PLD5: variants seen among roughly 807,000 people sequenced by gnomAD.
The protein encoded by PLD5 is phospholipase D family member 5.
In PLD5, 36 loss-of-function variants were observed where a neutral mutation model predicts 61.1. That is an observed-to-expected ratio of 0.59 (90% CI 0.45 to 0.78). The LOEUF (loss-of-function observed/expected upper bound fraction) is 0.78. PLD5 is among the 30% of genes least tolerant of loss of function. PLD5 has a pLI of 0.00. For synonymous variants in PLD5, 243 were observed against 242.8 expected (o/e 1.00, Z -0.01); for missense variants, 515 against 644.4 (o/e 0.80, Z 2.17).
intron 1 of PLD5, among the ~76,000 whole-genome samples, chr1:242,504,996 G>T (rs1236036758): frequency 6.6e-6 from 1 of 151,980 alleles, no homozygotes; most frequent in Non-Finnish European, 1.5e-5. Flanking sequence ...TCTCTAAAAA[G>T]ATTAGCATAA....
intron 4 of PLD5, among the ~76,000 whole-genome samples, chr1:242,225,291 A>G (rs2149022489): frequency 6.6e-6 from 1 of 152,092 alleles, no homozygotes; most frequent in Middle Eastern, 3.4e-3. Context: ...TGCACCACAC[A>G]TAACGCATGT....
At chr1:242,382,814 T>C (rs1458106602) in intron 1 of PLD5, among the ~76,000 whole-genome samples, 1 of 152,116 alleles carries the variant, frequency 6.6e-6, no homozygotes, top group Non-Finnish European at 1.5e-5. Context: ...AAATGAGAGC[T>C]TTAATTATAT....
intron 1 of PLD5, among the ~76,000 whole-genome samples, chr1:242,409,666 A>G (rs1180155725): frequency 6.6e-6 from 1 of 152,214 alleles, no homozygotes; most frequent in Non-Finnish European, 1.5e-5. Flanking sequence ...CAGTTATATG[A>G]GGAGGCTGGA....
intron 5 of PLD5, among the ~76,000 whole-genome samples, chr1:242,140,426 T>C (rs1257714026): frequency 7.3e-6 from 1 of 137,898 alleles, no homozygotes; most frequent in Non-Finnish European, 1.6e-5. Context: ...GGTGGATCAC[T>C]TGAGTCCAGG....
chr1:242,301,729 C>T (rs1225648912), intron 2 of PLD5, among the ~76,000 whole-genome samples: 2 of 151,474 alleles, frequency 1.3e-5, no homozygotes, highest in East Asian at 1.9e-4. Context: ...TGTGTTTTTA[C>T]AGACCCTTCC....
intron 8 of PLD5, among the ~76,000 whole-genome samples, chr1:242,103,430 A>G (rs1045440857): frequency 1.3e-5 from 2 of 152,204 alleles, no homozygotes; most frequent in Non-Finnish European, 2.9e-5. Context: ...GTATGTTTTG[A>G]AAACTCCACC....
At chr1:242,124,713 G>A (rs780286397) in intron 5 of PLD5, 48 bp from the exon 6 acceptor site, 1 of 1,493,386 alleles carries the variant, frequency 6.7e-7, no homozygotes, top group African/African-American at 1.4e-5. Context: ...GTCTTTTGGT[G>A]TTATTTTCAG....
chr1:242,420,025 C>T (rs1404074646), intron 1 of PLD5, among the ~76,000 whole-genome samples: 5 of 152,134 alleles, frequency 3.3e-5, no homozygotes, highest in African/African-American at 7.2e-5. Flanking sequence ...TCACAAAATT[C>T]TTCGATAAAC....
At chr1:242,233,453 C>T (rs10754756) in intron 4 of PLD5, among the ~76,000 whole-genome samples, 31,584 of 151,784 alleles carry the variant, frequency 0.21, 3,641 homozygotes, top group East Asian at 0.37. Context: ...CAAGTGGGAA[C>T]GCTTAAAATA....
chr1:242,230,865 G>C (rs1671255188), intron 4 of PLD5, among the ~76,000 whole-genome samples: 1 of 152,144 alleles, frequency 6.6e-6, no homozygotes. Flanking sequence ...TGGTTTCTAA[G>C]AGTTGTCTCT....
intron 2 of PLD5, among the ~76,000 whole-genome samples, chr1:242,337,195 A>G (rs1445367361): frequency 1.2e-5 from 1 of 85,704 alleles, no homozygotes; most frequent in Non-Finnish European, 2.8e-5. Context: ...TGCAAGGTAA[A>G]TATAAGAAAG....
At chr1:242,211,936 T>G (rs316853) in intron 5 of PLD5, among the ~76,000 whole-genome samples, 2,790 of 152,314 alleles carry the variant, frequency 0.018, 89 homozygotes, top group African/African-American at 0.064. Context: ...TGCAAACTGT[T>G]GTATCCCAAA....
chr1:242,294,999 C>T (rs1234769302), intron 2 of PLD5, among the ~76,000 whole-genome samples: 1 of 152,202 alleles, frequency 6.6e-6, no homozygotes, highest in Non-Finnish European at 1.5e-5. Flanking sequence ...AGTCAATGCA[C>T]CGACATTCAT....
At position 242,119,237 on chromosome 1, in the gene PLD5, T is replaced by C. The variant is rs1188114708; in HGVS notation, c.934-5211A>G. 2.6e-5 allele frequency among the ~76,000 whole-genome samples: 4 copies of C among 152,340 alleles called. No homozygotes were observed. In the East Asian group the frequency reaches 7.7e-4, roughly 29 times the overall value. On this transcript the variant is annotated intron_variant, in intron 6 of 9. Coordinates refer to ENST00000536534, the MANE Select transcript of PLD5 (RefSeq NM_001372062.1). ...ACAGACCTTAGCAGGTTTTTAATTA[T>C]TTCATTAACAGTTTCATGGTTTTAA...
chr1:242,343,306 GACA>G (rs1659946420), intron 2 of PLD5, among the ~76,000 whole-genome samples: 1 of 152,072 alleles, frequency 6.6e-6, no homozygotes, highest in Admixed American at 6.6e-5. Flanking sequence ...TTATGATAGT[GACA>G]ACACACGGAG....
intron 6 of PLD5, among the ~76,000 whole-genome samples, chr1:242,121,523 TTAAAA>T (rs1449552475): frequency 6.6e-6 from 1 of 151,924 alleles, no homozygotes; most frequent in African/African-American, 2.4e-5. Flanking sequence ...AAACAGGAAG[TTAAAA>T]TAAGTAAATA....
intron 9 of PLD5, among the ~76,000 whole-genome samples, chr1:242,092,341 C>T (rs1361946153): frequency 6.6e-6 from 1 of 151,998 alleles, no homozygotes; most frequent in Non-Finnish European, 1.5e-5. Context: ...GACTTACTTC[C>T]ACTTTACAGC....
At position 242,089,828 on chromosome 1, in the gene PLD5, G is replaced by A; in HGVS notation, c.*26C>T. On this transcript the variant is annotated 3_prime_UTR_variant, in exon 10 of 10. Coordinates refer to ENST00000536534, the MANE Select transcript of PLD5 (RefSeq NM_001372062.1). ...TTTATGTATAAATATGAAATACAGAGCTGTCCTGTCAGTTTCTTCATCATG... is the reference window on the plus strand; with the variant it reads ...TTTATGTATAAATATGAAATACAGAACTGTCCTGTCAGTTTCTTCATCATG... The A allele has an allele frequency of 6.2e-7, 1 of 1,613,370 alleles. No homozygotes were observed. The highest frequency in any genetic ancestry group is 8.5e-7 in the Non-Finnish European group (1 of 1,179,342).
upstream of PLD5, among the ~76,000 whole-genome samples, chr1:242,527,580 C>T (rs534559638): frequency 6.6e-6 from 1 of 152,308 alleles, no homozygotes; most frequent in Admixed American, 6.5e-5. Flanking sequence ...TTCATACTTA[C>T]TTGGTATGCA....
Sources: allele counts gnomAD v4.1 joint callset (sites outside exome capture counted in the v4.1 genomes callset), GRCh38; gene constraint gnomAD v4.1.1; transcripts MANE v1.5; gene names NCBI Gene and HGNC (gene_info 2026-07-23, HGNC 2026-07-21).